Variants in NPAS3 observed in about 807,000 individuals in gnomAD.
NPAS3 encodes neuronal PAS domain-containing protein 3.
A neutral mutation model predicts 73.1 loss-of-function variants in NPAS3; 14 were observed. The observed-to-expected ratio is 0.19, with a 90% CI of 0.13 to 0.30. The LOEUF is 0.30. Among genes scored for constraint, NPAS3 ranks in the 10% least tolerant of loss-of-function variants. The pLI, the probability that NPAS3 is intolerant of heterozygous loss-of-function variation, is 1.00. For missense variants in NPAS3, 1,096 were observed against 1,250.0 expected, an observed-to-expected ratio of 0.88 and a Z score of 1.86; for synonymous variants, 620 against 541.5, an observed-to-expected ratio of 1.14 and a Z score of -2.01.
rs916953785 is a variant in NPAS3 at position 33,769,756 on chromosome 14, C to CTTTTTTTTTTTTTTTT, written c.853-4570_853-4555dup. ...CCTGAAAGACTTGGATTTTTTTTTT[C>CTTTTTTTTTTTTTTTT]TTTTTTTTTTTTTTTTTTTTTTTTT... On this transcript the variant is annotated intron_variant, in intron 7 of 11. Transcript: ENST00000356141. Among the ~76,000 whole-genome samples, 16 of 81,854 alleles carry CTTTTTTTTTTTTTTTT rather than the reference C, an allele frequency of 2.0e-4. 2 individuals carry two copies. The highest frequency in any genetic ancestry group is 5.3e-4 in the South Asian group (1 of 1,872). The allele number at this position is 81,854 out of a possible 152,430, so 53.7% of individuals were successfully genotyped here.
intron 5 of NPAS3, among the ~76,000 whole-genome samples, chr14:33,647,816 T>C (rs1294738581): frequency 1.3e-5 from 2 of 152,080 alleles, no homozygotes; most frequent in African/African-American, 4.8e-5. Context: ...TTTCCTTCCA[T>C]TGATAATATT....
chr14:33,463,401 G>A (rs1407400829), intron 4 of NPAS3, among the ~76,000 whole-genome samples: 3 of 152,058 alleles, frequency 2.0e-5, no homozygotes, highest in Non-Finnish European at 4.4e-5. Flanking sequence ...ATATAATAAA[G>A]CCAATAGCTC....
intron 1 of NPAS3, among the ~76,000 whole-genome samples, chr14:33,003,155 C>T (rs1236563007): frequency 5.9e-5 from 9 of 151,294 alleles, no homozygotes; most frequent in Non-Finnish European, 8.8e-5. Flanking sequence ...CTTTTTAATC[C>T]CTTTCACCCT....
intron 6 of NPAS3, among the ~76,000 whole-genome samples, chr14:33,679,546 A>G (rs1489800545): frequency 6.6e-6 from 1 of 152,226 alleles, no homozygotes; most frequent in Non-Finnish European, 1.5e-5. Flanking sequence ...CTCTGATAAA[A>G]CACAGATTCT....
intron 2 of NPAS3, among the ~76,000 whole-genome samples, chr14:33,151,216 T>C (rs1249157037): frequency 6.6e-6 from 1 of 152,192 alleles, no homozygotes; most frequent in East Asian, 1.9e-4. Context: ...TTCTACATGA[T>C]AGGCATGGGG....
intron 2 of NPAS3, among the ~76,000 whole-genome samples, chr14:33,128,912 A>G (rs1003614909): frequency 2.0e-5 from 3 of 152,154 alleles, no homozygotes; most frequent in Non-Finnish European, 2.9e-5. Context: ...AAACTGGAAA[A>G]TGGTTAGCCA....
At chr14:33,459,217 T>C (rs117124836) in intron 4 of NPAS3, among the ~76,000 whole-genome samples, 4,496 of 152,248 alleles carry the variant, frequency 0.03, 69 homozygotes, top group Middle Eastern at 0.061. Context: ...ACCTGTATCT[T>C]GTGCCGACCT....
At chr14:33,747,450 A>C (rs1169273662) in intron 7 of NPAS3, among the ~76,000 whole-genome samples, 1 of 152,210 alleles carries the variant, frequency 6.6e-6, no homozygotes, top group Non-Finnish European at 1.5e-5. Context: ...CAAGGGACCA[A>C]TTTTATCTGT....
chr14:33,018,416 C>T (rs1305368282), intron 1 of NPAS3, among the ~76,000 whole-genome samples: 1 of 152,094 alleles, frequency 6.6e-6, no homozygotes, highest in African/African-American at 2.4e-5. Flanking sequence ...TCATCTTCTC[C>T]AAGTCATGGC....
intron 2 of NPAS3, among the ~76,000 whole-genome samples, chr14:33,071,059 C>T (rs569127563): frequency 8.5e-5 from 13 of 152,202 alleles, no homozygotes; most frequent in South Asian, 2.1e-4. Flanking sequence ...GTTTGTTCTA[C>T]GCTACCTATG....
intron 2 of NPAS3, among the ~76,000 whole-genome samples, chr14:33,072,308 A>T (rs769086045): frequency 7.9e-5 from 12 of 152,314 alleles, no homozygotes; most frequent in Non-Finnish European, 1.5e-4. Context: ...CCTTTGGAAA[A>T]GGACGTGATT....
intron 4 of NPAS3, among the ~76,000 whole-genome samples, chr14:33,466,769 C>G (rs1037371071): frequency 1.3e-5 from 2 of 152,046 alleles, no homozygotes; most frequent in African/African-American, 4.8e-5. Context: ...TTTTAAACAA[C>G]CAGATCTTCC....
chr14:33,515,261 C>T (rs1253894902), intron 4 of NPAS3, among the ~76,000 whole-genome samples: 1 of 152,022 alleles, frequency 6.6e-6, no homozygotes, highest in African/African-American at 2.4e-5. Flanking sequence ...CTTCTCATTC[C>T]ACTCAAGAAA....
At chr14:33,204,600 G>A (rs1188154808) in intron 2 of NPAS3, among the ~76,000 whole-genome samples, 2 of 151,998 alleles carry the variant, frequency 1.3e-5, no homozygotes, top group Non-Finnish European at 2.9e-5. Flanking sequence ...TGTGACACAC[G>A]GAAAAAGTCA....
intron 2 of NPAS3, among the ~76,000 whole-genome samples, chr14:33,184,427 T>C (rs947432279): frequency 2.6e-5 from 4 of 152,040 alleles, no homozygotes; most frequent in African/African-American, 9.7e-5. Context: ...ATACGAGGCC[T>C]TTACAACATG....
At chr14:33,431,268 T>C (rs751912126) in intron 4 of NPAS3, among the ~76,000 whole-genome samples, 1 of 152,202 alleles carries the variant, frequency 6.6e-6, no homozygotes, top group Non-Finnish European at 1.5e-5. Context: ...TCTCACTAGT[T>C]AAATACATGT....
intron 3 of NPAS3, among the ~76,000 whole-genome samples, chr14:33,238,075 T>A (rs528883417): frequency 1.3e-4 from 20 of 151,998 alleles, no homozygotes; most frequent in Non-Finnish European, 2.4e-4. Flanking sequence ...TAACGTGTTT[T>A]GGGAAGGCAA....
At chr14:32,970,128 G>A (rs766420327) in intron 1 of NPAS3, among the ~76,000 whole-genome samples, 17 of 152,130 alleles carry the variant, frequency 1.1e-4, no homozygotes, top group Non-Finnish European at 2.4e-4. Flanking sequence ...ATTTCAAAAC[G>A]TAGGATAAAA....
chr14:33,708,583 AGAGTCT>A (rs1262653078), intron 6 of NPAS3, among the ~76,000 whole-genome samples: 1 of 152,224 alleles, frequency 6.6e-6, no homozygotes, highest in East Asian at 1.9e-4. Flanking sequence ...GGCTTTATTC[AGAGTCT>A]TAACGACCTG....
Sources: allele counts gnomAD v4.1 joint callset (sites outside exome capture counted in the v4.1 genomes callset), GRCh38; gene constraint gnomAD v4.1.1; transcripts MANE v1.5; gene names NCBI Gene and HGNC (gene_info 2026-07-23, HGNC 2026-07-21).